TLK2: variants seen among roughly 807,000 people sequenced by gnomAD.
TLK2 encodes the protein tousled like kinase 2, also known as serine/threonine-protein kinase tousled-like 2.
A neutral mutation model predicts 117.3 loss-of-function variants in TLK2; 6 were observed. The observed-to-expected ratio is 0.05, with a 90% CI of 0.03 to 0.10. TLK2 has a LOEUF of 0.10. TLK2 is among the 10% of genes least tolerant of loss of function. The pLI is 1.00. For synonymous variants in TLK2, 257 were observed against 316.7 expected (o/e 0.81, Z 2.00); for missense variants, 299 against 901.2 (o/e 0.33, Z 8.56).
At chr17:62,523,658 C>T (rs906009245) in intron 5 of TLK2, among the ~76,000 whole-genome samples, 9 of 152,162 alleles carry the variant, frequency 5.9e-5, no homozygotes, top group African/African-American at 2.2e-4. Flanking sequence ...TCAGTTAATG[C>T]TGCCCCATCT....
chr17:62,512,213 C>CTTTTTT (rs35913164), intron 2 of TLK2, among the ~76,000 whole-genome samples: 33 of 40,608 alleles, frequency 8.1e-4, no homozygotes, highest in African/African-American at 1.9e-3. Context: ...ATCACCCCTC[C>CTTTTTT]TTTTTTTTTT....
intron 2 of TLK2, among the ~76,000 whole-genome samples, chr17:62,513,732 A>G (rs2075341741): frequency 1.3e-5 from 2 of 152,090 alleles, no homozygotes; most frequent in Non-Finnish European, 2.9e-5. Flanking sequence ...TCTGTCACCC[A>G]GGCTAGAGTA....
chr17:62,584,107 G>GTT (rs572000997), intron 15 of TLK2, among the ~76,000 whole-genome samples: 81 of 78,478 alleles, frequency 1.0e-3, no homozygotes, highest in Middle Eastern at 0.01. Context: ...TTCTTTTGTG[G>GTT]TTTTTTTTTT....
chr17:62,537,330 T>C (rs1269959213), intron 7 of TLK2, among the ~76,000 whole-genome samples: 1 of 152,252 alleles, frequency 6.6e-6, no homozygotes, highest in African/African-American at 2.4e-5. Flanking sequence ...TTTCTTATAG[T>C]TATGATAGCT....
intron 7 of TLK2, among the ~76,000 whole-genome samples, chr17:62,538,569 G>C (rs1016590431): frequency 3.5e-4 from 54 of 152,338 alleles, no homozygotes; most frequent in African/African-American, 1.1e-3. Flanking sequence ...TCTGTAAAAA[G>C]TATGGTATGT....
upstream of TLK2, among the ~76,000 whole-genome samples, chr17:62,478,495 G>A (rs1466641476): frequency 1.3e-5 from 2 of 149,900 alleles, no homozygotes; most frequent in African/African-American, 4.9e-5. Flanking sequence ...CCGGCCTCGG[G>A]CAGTCGCAGG....
chr17:62,608,232 T>C (rs1207151291), intron 21 of TLK2, 84 bp downstream of exon 21: 1 of 1,017,956 alleles, frequency 9.8e-7, no homozygotes, highest in Non-Finnish European at 1.5e-6. Flanking sequence ...GGATGGATTC[T>C]TCAGTGTGAA....
chr17:62,611,646 A>C (rs765686295), intron 21 of TLK2, among the ~76,000 whole-genome samples: 1 of 152,222 alleles, frequency 6.6e-6, no homozygotes, highest in Non-Finnish European at 1.5e-5. Context: ...AGATTTTTTT[A>C]AATTAATTTA....
chr17:62,511,952 T>C (rs1432516073), intron 2 of TLK2, among the ~76,000 whole-genome samples: 1 of 152,210 alleles, frequency 6.6e-6, no homozygotes, highest in African/African-American at 2.4e-5. Context: ...CTGGGTCAAA[T>C]GATAAGTTTT....
At chr17:62,573,852 C>T (rs1044950009) in intron 12 of TLK2, among the ~76,000 whole-genome samples, 1 of 152,214 alleles carries the variant, frequency 6.6e-6, no homozygotes, top group African/African-American at 2.4e-5. Context: ...TAAGCCACAA[C>T]TTGATCTCAT....
chr17:62,547,506 A>G lies in TLK2; in HGVS notation c.532-4796A>G, dbSNP rs146002592. Among the ~76,000 whole-genome samples, 795 of 152,198 alleles carry G rather than the reference A, an allele frequency of 5.2e-3. 5 individuals carry two copies. Among genetic ancestry groups the G allele is most frequent in the African/African-American group, 0.018 (757 of 41,500 alleles). On this transcript the variant is annotated intron_variant, in intron 7 of 21. Coordinates refer to ENST00000346027, the MANE Select transcript of TLK2 (RefSeq NM_006852.6). The stretch of plus-strand genomic sequence containing the variant: ...GAGCATTGTCACATGAGATCCCTAT[A>G]TTGTGTAGTACCTTTTACCTTTTGA...
At chr17:62,572,372 G>A (rs2080378285) in intron 11 of TLK2, among the ~76,000 whole-genome samples, 2 of 151,500 alleles carry the variant, frequency 1.3e-5, no homozygotes, top group South Asian at 4.2e-4. Flanking sequence ...TACCAAGTCT[G>A]TAAACCTTAA....
intron 7 of TLK2, chr17:62,551,824 G>A (rs2078487176): frequency 5.9e-6 from 1 of 168,250 alleles, no homozygotes; most frequent in Non-Finnish European, 1.3e-5. Context: ...CAGTCAGCAA[G>A]TGACAGTATT....
chr17:62,578,682 C>T (rs2080991832), intron 14 of TLK2, 108 bp downstream of exon 14: 1 of 821,340 alleles, frequency 1.2e-6, no homozygotes, highest in Admixed American at 2.5e-5. Context: ...ATAAATGATT[C>T]CATGGTGTAT....
chr17:62,523,441 G>C (rs972815081), intron 5 of TLK2, among the ~76,000 whole-genome samples: 1 of 152,196 alleles, frequency 6.6e-6, no homozygotes, highest in African/African-American at 2.4e-5. Context: ...TTAGCCAGGT[G>C]TGGTGGCACA....
chr17:62,490,635 G>A (rs757186318), intron 2 of TLK2, among the ~76,000 whole-genome samples: 4 of 152,060 alleles, frequency 2.6e-5, no homozygotes, highest in African/African-American at 9.7e-5. Context: ...TCCACCTCCC[G>A]GGTTCAAGCG....
chr17:62,512,861 A>AATAATT (rs1555610963), intron 2 of TLK2, among the ~76,000 whole-genome samples: 1 of 141,158 alleles, frequency 7.1e-6, no homozygotes, highest in South Asian at 2.3e-4. Context: ...AAAATTTATT[A>AATAATT]ATTATTATTA....
At chr17:62,477,111 A>T (rs1429788030), upstream of TLK2, among the ~76,000 whole-genome samples, 2 of 151,838 alleles carry the variant, frequency 1.3e-5, no homozygotes, top group African/African-American at 2.4e-5. Context: ...AATTTTTTTT[A>T]AAAAGACAGT....
intron 7 of TLK2, among the ~76,000 whole-genome samples, chr17:62,543,457 G>A (rs746960610): frequency 2.6e-5 from 4 of 152,230 alleles, no homozygotes; most frequent in South Asian, 2.1e-4. Context: ...TACATTCCCC[G>A]CAGCAGTACA....
Sources: gnomAD v4.1 joint callset for allele counts (sites outside exome capture counted in the v4.1 genomes callset) on GRCh38, gnomAD v4.1.1 for gene constraint, MANE v1.5 for transcripts, NCBI Gene and HGNC (gene_info 2026-07-23, HGNC 2026-07-21) for gene names.